PAK6: variants seen among roughly 807,000 people sequenced by gnomAD.
PAK6 encodes serine/threonine-protein kinase PAK 6.
Under a neutral mutation model 60.8 loss-of-function variants are expected in PAK6, and 33 were observed. The ratio of observed to expected loss-of-function variants is 0.54; its 90% confidence interval spans 0.41 to 0.73. The LOEUF (loss-of-function observed/expected upper bound fraction) is 0.73, where lower values mean the gene tolerates loss of function less well. Ranked by LOEUF, PAK6 falls within the 30% of genes least tolerant of loss-of-function variation. The probability of loss-of-function intolerance (pLI) is 0.00; values close to 1 mark genes in which losing one functional copy is unlikely to be tolerated. For missense variants in PAK6, 845 were observed against 904.1 expected (o/e 0.93, Z 0.84); for synonymous variants, 404 against 378.5 (o/e 1.07, Z -0.78).
At chr15:40,252,616 G>T in intron 2 of PAK6, 1 of 1,345,514 alleles carries the variant, frequency 7.4e-7, no homozygotes. Context: ...GCGTTCCCGC[G>T]CCGAGGTCCC....
At chr15:40,250,118 C>T (rs1341402178) in intron 2 of PAK6, among the ~76,000 whole-genome samples, 1 of 152,252 alleles carries the variant, frequency 6.6e-6, no homozygotes, top group Non-Finnish European at 1.5e-5. Context: ...CCCCAGACTG[C>T]TCCTGACACT....
At chr15:40,272,403 T>C (rs1261387798) in exon 6 of PAK6, 1 of 1,613,572 alleles carries the variant, frequency 6.2e-7, no homozygotes. Flanking sequence ...CAGGCCGGTC[T>C]TCCCCAGCGG....
intron 1 of PAK6, chr15:40,240,392 C>T: frequency 5.8e-6 from 2 of 341,920 alleles, no homozygotes; most frequent in Admixed American, 7.9e-5. Flanking sequence ...CAGTGTGTGT[C>T]AGGAGGAGGG....
intron 3 of PAK6, among the ~76,000 whole-genome samples, chr15:40,262,051 G>A (rs1391833025): frequency 6.6e-6 from 1 of 151,314 alleles, no homozygotes; most frequent in African/African-American, 2.4e-5. Context: ...CTGTTCTGGG[G>A]TGGGTGGTGG....
intron 2 of PAK6, chr15:40,247,063 C>T (rs1427824095): frequency 6.6e-6 from 1 of 152,392 alleles, no homozygotes; most frequent in Non-Finnish European, 1.5e-5. Flanking sequence ...CACAGGCCTC[C>T]ACTCCCCCAC....
chr15:40,274,057 C>A, intron 9 of PAK6, 85 bp from the exon 10 acceptor site: 1 of 1,502,298 alleles, frequency 6.7e-7, no homozygotes, highest in Non-Finnish European at 9.2e-7. Context: ...GCCAGCTGTC[C>A]CCCCTCCACC....
exon 11 of PAK6, chr15:40,277,480 C>G (rs564140113): frequency 6.6e-6 from 1 of 152,496 alleles, no homozygotes; most frequent in South Asian, 2.1e-4. Context: ...ATTGAGTGTT[C>G]AAAGCCATTG....
chr15:40,246,133 T>C (rs1430703501), intron 2 of PAK6: 2 of 152,204 alleles, frequency 1.3e-5, no homozygotes, highest in African/African-American at 4.8e-5. Flanking sequence ...AATTGATTGA[T>C]TGAAGTTCTT....
intron 3 of PAK6, among the ~76,000 whole-genome samples, chr15:40,258,223 T>C (rs997704176): frequency 1.3e-5 from 2 of 152,236 alleles, no homozygotes; most frequent in Non-Finnish European, 2.9e-5. Context: ...AGCAGGCTTC[T>C]TCCCTGGAGG....
At chr15:40,273,349 G>T in exon 8 of PAK6, 1 of 1,613,688 alleles carries the variant, frequency 6.2e-7, no homozygotes. Context: ...TGTCCAGGCT[G>T]AATGAGGAGC....
At chr15:40,247,879 G>A (rs1393332179) in intron 2 of PAK6, among the ~76,000 whole-genome samples, 1 of 152,154 alleles carries the variant, frequency 6.6e-6, no homozygotes, top group African/African-American at 2.4e-5. Context: ...ATCAAACCAA[G>A]CTCCAGTGTG....
chr15:40,265,226 T>C (rs2039089421), intron 4 of PAK6, among the ~76,000 whole-genome samples: 1 of 152,142 alleles, frequency 6.6e-6, no homozygotes, highest in African/African-American at 2.4e-5. Context: ...CACATGAAAA[T>C]GTGAGATGCT....
At chr15:40,261,046 A>G (rs891163829) in intron 3 of PAK6, among the ~76,000 whole-genome samples, 9 of 151,580 alleles carry the variant, frequency 5.9e-5, no homozygotes, top group South Asian at 2.1e-4. Flanking sequence ...CCACCACCAC[A>G]CCCGGCTAAT....
chr15:40,265,852 G>A lies in PAK6; in HGVS notation c.215G>A (p.Arg72Gln), dbSNP rs762056961. 1.2e-5 allele frequency: 18 copies of A among 1,533,078 alleles called. No homozygotes were observed. Among genetic ancestry groups the A allele is most frequent in the South Asian group, 6.3e-5 (5 of 78,998 alleles). 95.0% of individuals were successfully genotyped at this position (1,533,078 alleles called of 1,614,324 possible). ...CTCTTCCCCCTACAGACAGTGGTGC[G>A]GGGCAGCGCGATGCCTGTGGATGGC... Residue 72 changes from arginine (R) to glutamine (Q), a missense_variant, in exon 5 of 11, where the codon CGG (arginine) becomes CAG (glutamine). By Grantham distance (43) the Arg-to-Gln change is conservative. Coordinates refer to ENST00000560346, the Ensembl canonical transcript of PAK6.
At chr15:40,247,768 T>G (rs976762672) in intron 2 of PAK6, among the ~76,000 whole-genome samples, 2 of 152,096 alleles carry the variant, frequency 1.3e-5, no homozygotes, top group African/African-American at 4.8e-5. Flanking sequence ...GGCGCTGGGC[T>G]CTCTTTCCGG....
rs1482811842 is a variant in PAK6, at chr15:40,252,102, T to C, written c.-117-1076T>C. On this transcript the variant is annotated intron_variant, in intron 2 of 10. Transcript: ENST00000560346. ...TGCGCAAGGGGCTACCCCAGCACAG[T>C]CTTGGGGCCCTGTCCACATGGGACA... is the stretch of plus-strand genomic sequence containing the variant. 3 of 362,240 alleles carry C rather than the reference T, an allele frequency of 8.3e-6. No homozygotes were observed. In the East Asian group the frequency reaches 2.9e-4, roughly 34 times the overall value. The allele number at this position is 362,240 out of a possible 1,614,324, so 22.4% of individuals were successfully genotyped here.
chr15:40,252,139 G>A, intron 2 of PAK6: 1 of 485,986 alleles, frequency 2.1e-6, no homozygotes, highest in South Asian at 2.0e-5. Flanking sequence ...ATCATCCAAG[G>A]TGACAGGTTT....
chr15:40,246,870 T>C (rs1489470041), intron 2 of PAK6: 1 of 152,302 alleles, frequency 6.6e-6, no homozygotes, highest in Non-Finnish European at 1.5e-5. Flanking sequence ...GTCCACAGAC[T>C]CTGAGGCCAG....
At chr15:40,274,160 G>A in exon 10 of PAK6, 1 of 1,614,086 alleles carries the variant, frequency 6.2e-7, no homozygotes, top group Non-Finnish European at 8.5e-7. Flanking sequence ...CTGGTCTCTG[G>A]GCATCATGGT....
Sources: allele counts gnomAD v4.1 joint callset (sites outside exome capture counted in the v4.1 genomes callset), GRCh38; gene constraint gnomAD v4.1.1; transcripts MANE v1.5; gene names NCBI Gene and HGNC (gene_info 2026-07-23, HGNC 2026-07-21).